Variants in RAB27B observed in about 807,000 individuals in gnomAD.
The protein encoded by RAB27B is ras-related protein Rab-27B.
Under a neutral mutation model 24.6 loss-of-function variants are expected in RAB27B, and 15 were observed. That is an observed-to-expected ratio of 0.61 (90% CI 0.41 to 0.94). RAB27B has a LOEUF of 0.94. Among genes scored for constraint, RAB27B ranks in the 40% least tolerant of loss-of-function variants. RAB27B has a pLI of 0.00. For missense variants in RAB27B, 261 were observed against 266.8 expected (o/e 0.98, Z 0.15); for synonymous variants, 105 against 92.5 (o/e 1.14, Z -0.78).
At position 54,892,276 on chromosome 18, in the gene RAB27B, C is replaced by T. The variant is rs906408923; in HGVS notation, c.*2863C>T. 9 of 152,012 alleles carry T rather than the reference C, an allele frequency of 5.9e-5. No homozygotes were observed. Among genetic ancestry groups the T allele is most frequent in the East Asian group, 3.9e-4 (2 of 5,188 alleles). 9.4% of individuals were successfully genotyped at this position (152,012 alleles called of 1,614,324 possible). A position where few individuals can be genotyped will look rare whatever the true frequency, so the allele number is the denominator to read the frequency against. On this transcript the variant is annotated 3_prime_UTR_variant, in exon 6 of 6. Coordinates refer to ENST00000262094, the MANE Select transcript of RAB27B (RefSeq NM_004163.4). ...GTTTGATGTTTACATTGCTCTAACT[C>T]GGTGCCTCAGATACCTCTGTGACCA...
chr18:54,821,575 C>G (rs765589616), intron 2 of RAB27B, among the ~76,000 whole-genome samples: 4 of 152,114 alleles, frequency 2.6e-5, no homozygotes, highest in Non-Finnish European at 4.4e-5. Flanking sequence ...TCATATGGAA[C>G]CAAAAAAGAG....
intron 1 of RAB27B, among the ~76,000 whole-genome samples, chr18:54,868,336 T>C (rs1477079770): frequency 6.6e-6 from 1 of 152,150 alleles, no homozygotes; most frequent in African/African-American, 2.4e-5. Flanking sequence ...TGCTCCCCTT[T>C]TGCCTTCCAC....
chr18:54,780,733 G>T (rs1568063281), intron 2 of RAB27B, among the ~76,000 whole-genome samples: 2 of 152,150 alleles, frequency 1.3e-5, no homozygotes, highest in African/African-American at 4.8e-5. Flanking sequence ...AGATTTGGGG[G>T]AGGTGGGACA....
At chr18:54,866,595 G>T (rs1912237951) in intron 1 of RAB27B, among the ~76,000 whole-genome samples, 2 of 152,220 alleles carry the variant, frequency 1.3e-5, no homozygotes, top group South Asian at 4.1e-4. Context: ...ACTGCGCCCG[G>T]CAGGGATCCT....
chr18:54,755,363 C>T (rs1446536922), intron 2 of RAB27B, among the ~76,000 whole-genome samples: 1 of 152,072 alleles, frequency 6.6e-6, no homozygotes, highest in Non-Finnish European at 1.5e-5. Context: ...GCACTCCAAC[C>T]TGGGCAACAG....
intron 2 of RAB27B, among the ~76,000 whole-genome samples, chr18:54,804,787 G>A (rs1909717160): frequency 6.6e-6 from 1 of 151,992 alleles, no homozygotes; most frequent in African/African-American, 2.4e-5. Flanking sequence ...TGAGGTATAT[G>A]AGAGTTTCTT....
intron 1 of RAB27B, among the ~76,000 whole-genome samples, chr18:54,843,034 G>A (rs1287715384): frequency 6.6e-6 from 1 of 152,160 alleles, no homozygotes; most frequent in Non-Finnish European, 1.5e-5. Flanking sequence ...CTGACCTCAT[G>A]ATCCACCCGC....
chr18:54,751,199 G>C, intron 2 of RAB27B, among the ~76,000 whole-genome samples: 1 of 152,064 alleles, frequency 6.6e-6, no homozygotes, highest in Non-Finnish European at 1.5e-5. Context: ...CATATGAGAG[G>C]GGAGGGACAG....
intron 2 of RAB27B, among the ~76,000 whole-genome samples, chr18:54,807,534 C>T (rs9319913): frequency 0.031 from 4,699 of 152,260 alleles, 237 homozygotes; most frequent in African/African-American, 0.11. Flanking sequence ...GCCTTTGACA[C>T]AACCAGCTCA....
At position 54,894,312 on chromosome 18, in the gene RAB27B, T is replaced by A. The variant is rs1913486066; in HGVS notation, c.*4899T>A. On this transcript the variant is annotated 3_prime_UTR_variant, in exon 6 of 6. Coordinates refer to ENST00000262094, the MANE Select transcript of RAB27B (RefSeq NM_004163.4). ...CTTTTCATTAAGTGGATTCCCTGGT[T>A]CCTTTCCAGCTGGTTGTGGAAGTAA... is the stretch of plus-strand genomic sequence containing the variant. The A allele has an allele frequency of 6.6e-6, 1 of 151,992 alleles. No individual in the cohort carries two copies. Among genetic ancestry groups the A allele is most frequent in the Non-Finnish European group, 1.5e-5 (1 of 67,904 alleles). 9.4% of individuals were successfully genotyped at this position (151,992 alleles called of 1,614,324 possible). A position where few individuals can be genotyped will look rare whatever the true frequency, so the allele number is the denominator to read the frequency against.
intron 2 of RAB27B, among the ~76,000 whole-genome samples, chr18:54,747,935 C>A (rs954505567): frequency 1.3e-5 from 2 of 151,974 alleles, no homozygotes; most frequent in African/African-American, 4.8e-5. Flanking sequence ...TAGTAAAACC[C>A]CATCTTTGCA....
intron 3 of RAB27B, among the ~76,000 whole-genome samples, chr18:54,881,492 T>A (rs1912923069): frequency 6.6e-6 from 1 of 152,124 alleles, no homozygotes; most frequent in Non-Finnish European, 1.5e-5. Context: ...GTCGGCCATA[T>A]CGGTTCCAGT....
chr18:54,775,276 A>G (rs534933341), intron 2 of RAB27B, among the ~76,000 whole-genome samples: 16 of 152,376 alleles, frequency 1.1e-4, no homozygotes, highest in African/African-American at 3.8e-4. Context: ...GCTAAATGAT[A>G]GAATGGAGCA....
intron 2 of RAB27B, among the ~76,000 whole-genome samples, chr18:54,805,370 T>A (rs923250481): frequency 6.6e-6 from 1 of 152,238 alleles, no homozygotes; most frequent in African/African-American, 2.4e-5. Flanking sequence ...TTCTGGTTTA[T>A]TTATTCCTTC....
At chr18:54,726,687 C>T (rs1909547433) in intron 2 of RAB27B, among the ~76,000 whole-genome samples, 2 of 151,498 alleles carry the variant, frequency 1.3e-5, no homozygotes, top group Admixed American at 6.6e-5. Flanking sequence ...TGTTTTAGGT[C>T]CTTGTAAAAC....
intron 2 of RAB27B, among the ~76,000 whole-genome samples, chr18:54,753,832 TAGTA>T (rs1029969197): frequency 2.6e-5 from 4 of 152,118 alleles, no homozygotes; most frequent in African/African-American, 9.7e-5. Context: ...TTTTATAAAA[TAGTA>T]AGTTAATTTC....
chr18:54,833,234 C>CTTTTTTTTTTTTTT (rs559070445), intron 1 of RAB27B, among the ~76,000 whole-genome samples: 6 of 129,516 alleles, frequency 4.6e-5, no homozygotes, highest in Admixed American at 8.3e-5. Flanking sequence ...TTCTTTCTTT[C>CTTTTTTTTTTTTTT]TTTTTTTTTT....
intron 2 of RAB27B, among the ~76,000 whole-genome samples, chr18:54,810,912 A>G (rs1394316669): frequency 6.6e-6 from 1 of 151,900 alleles, no homozygotes; most frequent in South Asian, 2.1e-4. Context: ...TCCCCCTGCA[A>G]TTGTAGACTC....
chr18:54,857,044 T>A (rs1023716348), intron 1 of RAB27B, among the ~76,000 whole-genome samples: 3 of 152,204 alleles, frequency 2.0e-5, no homozygotes, highest in African/African-American at 4.8e-5. Flanking sequence ...GGGATCTACA[T>A]GCAAAGGTTT....
Sources: allele counts gnomAD v4.1 joint callset (sites outside exome capture counted in the v4.1 genomes callset), GRCh38; gene constraint gnomAD v4.1.1; transcripts MANE v1.5; gene names NCBI Gene and HGNC (gene_info 2026-07-23, HGNC 2026-07-21).